The following SLC25A21 variants were observed in gnomAD, a reference collection of about 807,000 sequenced individuals.
SLC25A21 encodes the protein mitochondrial 2-oxodicarboxylate carrier.
SLC25A21 carries 47 observed loss-of-function variants against 43.8 expected under a neutral mutation model. The observed-to-expected ratio is 1.07, with a 90% CI of 0.85 to 1.37. SLC25A21 has a LOEUF of 1.37. SLC25A21 is among the 40% of genes most tolerant of loss of function. The probability of loss-of-function intolerance (pLI) is 0.00; values close to 1 mark genes in which losing one functional copy is unlikely to be tolerated. For missense variants in SLC25A21, 352 were observed against 350.2 expected (o/e 1.00, Z -0.04); for synonymous variants, 131 against 121.3 (o/e 1.08, Z -0.52).
At chr14:37,162,331 T>C (rs1327829833) in intron 1 of SLC25A21, among the ~76,000 whole-genome samples, 3 of 152,206 alleles carry the variant, frequency 2.0e-5, no homozygotes, top group African/African-American at 7.2e-5. Flanking sequence ...AGACATGAAG[T>C]CCTTGCCCAT....
chr14:37,163,656 A>T (rs1963986042), intron 1 of SLC25A21, among the ~76,000 whole-genome samples: 1 of 152,190 alleles, frequency 6.6e-6, no homozygotes, highest in African/African-American at 2.4e-5. Context: ...ATTCATTGCC[A>T]TTTTAAAGAT....
chr14:36,960,112 T>C (rs1246451916), intron 1 of SLC25A21, among the ~76,000 whole-genome samples: 1 of 152,208 alleles, frequency 6.6e-6, no homozygotes, highest in African/African-American at 2.4e-5. Context: ...TTTTTTAGTT[T>C]AGAAGGAAAA....
intron 1 of SLC25A21, among the ~76,000 whole-genome samples, chr14:36,941,391 G>A (rs971533219): frequency 1.3e-5 from 2 of 152,048 alleles, no homozygotes; most frequent in Admixed American, 6.6e-5. Context: ...AAATATAGGA[G>A]TGATTGTAGC....
intron 2 of SLC25A21, among the ~76,000 whole-genome samples, chr14:36,816,675 A>G (rs761316923): frequency 2.0e-5 from 3 of 151,364 alleles, no homozygotes; most frequent in Non-Finnish European, 4.4e-5. Context: ...AATTTTTAAA[A>G]TTTTTTTCTG....
intron 1 of SLC25A21, among the ~76,000 whole-genome samples, chr14:37,119,598 A>G (rs1331994416): frequency 6.6e-6 from 1 of 152,090 alleles, no homozygotes; most frequent in Non-Finnish European, 1.5e-5. Context: ...AACTATAAGC[A>G]TAATCAGTTG....
At chr14:36,916,802 A>G (rs1891845220) in intron 1 of SLC25A21, among the ~76,000 whole-genome samples, 1 of 152,036 alleles carries the variant, frequency 6.6e-6, no homozygotes, top group Non-Finnish European at 1.5e-5. Flanking sequence ...GGACAGCTCC[A>G]CCTGGACGTT....
At chr14:36,919,209 T>C (rs1425264478) in intron 1 of SLC25A21, among the ~76,000 whole-genome samples, 2 of 152,136 alleles carry the variant, frequency 1.3e-5, no homozygotes, top group African/African-American at 4.8e-5. Flanking sequence ...AGATACCTTA[T>C]TCTAAATTGC....
intron 1 of SLC25A21, among the ~76,000 whole-genome samples, chr14:36,886,530 T>C (rs971650551): frequency 6.6e-6 from 1 of 152,204 alleles, no homozygotes; most frequent in Non-Finnish European, 1.5e-5. Context: ...TCATAGAGTT[T>C]ACTTTTAACT....
chr14:37,005,197 C>T (rs910499461), intron 1 of SLC25A21, among the ~76,000 whole-genome samples: 3 of 152,200 alleles, frequency 2.0e-5, no homozygotes, highest in East Asian at 3.9e-4. Context: ...CGCACACACA[C>T]ATGCAAATGC....
intron 1 of SLC25A21, among the ~76,000 whole-genome samples, chr14:37,013,045 T>C (rs1960767373): frequency 6.6e-6 from 1 of 152,212 alleles, no homozygotes; most frequent in South Asian, 2.1e-4. Context: ...TTAAATTGTT[T>C]ATTTAAAAAT....
intron 3 of SLC25A21, among the ~76,000 whole-genome samples, chr14:36,777,334 A>T (rs560080796): frequency 6.6e-6 from 1 of 152,174 alleles, no homozygotes; most frequent in South Asian, 2.1e-4. Context: ...AAACAAACAA[A>T]CAAAAACAAC....
chr14:36,930,622 C>T (rs552315887), intron 1 of SLC25A21, among the ~76,000 whole-genome samples: 13 of 152,244 alleles, frequency 8.5e-5, no homozygotes, highest in African/African-American at 2.4e-4. Flanking sequence ...ATCTATAACC[C>T]AAACTCACAT....
At chr14:37,009,754 C>T (rs770804998) in intron 1 of SLC25A21, among the ~76,000 whole-genome samples, 3 of 152,148 alleles carry the variant, frequency 2.0e-5, no homozygotes, top group Non-Finnish European at 4.4e-5. Flanking sequence ...GAAGGAGTAA[C>T]ATCTTGACAT....
chr14:37,007,771 G>A (rs1960639370), intron 1 of SLC25A21, among the ~76,000 whole-genome samples: 1 of 151,970 alleles, frequency 6.6e-6, no homozygotes. Flanking sequence ...TTTTTTCAGT[G>A]AAAGCATGAT....
At chr14:36,761,640 T>G (rs556114644) in intron 3 of SLC25A21, among the ~76,000 whole-genome samples, 57 of 152,358 alleles carry the variant, frequency 3.7e-4, no homozygotes, top group African/African-American at 1.3e-3. Flanking sequence ...CACTGGTCTC[T>G]TGATCTTAGG....
intron 1 of SLC25A21, among the ~76,000 whole-genome samples, chr14:36,985,624 A>G (rs1488780930): frequency 6.6e-6 from 1 of 152,136 alleles, no homozygotes; most frequent in African/African-American, 2.4e-5. Context: ...CTATGTTATG[A>G]CCTCAGGGCA....
chr14:36,812,422 C>T (rs2138443518), intron 3 of SLC25A21, among the ~76,000 whole-genome samples: 1 of 151,264 alleles, frequency 6.6e-6, no homozygotes, highest in South Asian at 2.1e-4. Context: ...TAGCAATGTA[C>T]TTTACTGTAC....
chr14:37,055,001 A>C (rs113240881), intron 1 of SLC25A21, among the ~76,000 whole-genome samples: 7 of 152,226 alleles, frequency 4.6e-5, no homozygotes, highest in Non-Finnish European at 8.8e-5. Flanking sequence ...ACTTCTGCCC[A>C]GCTGGAATTC....
chr14:36,782,391 A>T (rs1033232322), intron 3 of SLC25A21, among the ~76,000 whole-genome samples: 18 of 152,172 alleles, frequency 1.2e-4, no homozygotes, highest in African/African-American at 4.1e-4. Flanking sequence ...ATGGTGCCCC[A>T]TAAATCCTGT....
Sources: gnomAD v4.1 joint callset for allele counts (sites outside exome capture counted in the v4.1 genomes callset) on GRCh38, gnomAD v4.1.1 for gene constraint, MANE v1.5 for transcripts, NCBI Gene and HGNC (gene_info 2026-07-23, HGNC 2026-07-21) for gene names.